Variants in DSC2 observed in about 807,000 individuals in gnomAD.
The protein encoded by DSC2 is desmocollin-2.
In DSC2, 51 loss-of-function variants were observed where a neutral mutation model predicts 87.6. The observed-to-expected ratio is 0.58, with a 90% CI of 0.46 to 0.74. The LOEUF is 0.74. Among genes scored for constraint, DSC2 ranks in the 30% least tolerant of loss-of-function variants. The pLI is 0.00. For synonymous variants in DSC2, 383 were observed against 393.2 expected (o/e 0.97, Z 0.31); for missense variants, 1,066 against 1,089.5 (o/e 0.98, Z 0.30).
chr18:31,090,671 A>G (rs1987561944), intron 4 of DSC2, among the ~76,000 whole-genome samples: 1 of 152,196 alleles, frequency 6.6e-6, no homozygotes, highest in African/African-American at 2.4e-5. Context: ...AGAAGGGCCT[A>G]TGTGTCTTCC....
rs189368932 is a variant in DSC2 at position 31,076,875 on chromosome 18, G to A, written c.1664-1968C>T. Among the ~76,000 whole-genome samples, 31 of 152,198 alleles carry A rather than the reference G, an allele frequency of 2.0e-4. No individual in the cohort carries two copies. The East Asian group carries it at 4.6e-3, about 23-fold the overall frequency. ...AACTACAAAAGGACAATCGTTAATCGACAGAACAAGAAGCATCAGCAAGAA... is the reference window on the plus strand; with the variant it reads ...AACTACAAAAGGACAATCGTTAATCAACAGAACAAGAAGCATCAGCAAGAA... On this transcript the variant is annotated intron_variant, in intron 11 of 15. Transcript: ENST00000280904.
At chr18:31,093,670 ATAT>A (rs778709653) in intron 1 of DSC2, 27 bp from the exon 2 acceptor site, 58 of 1,465,656 alleles carry the variant, frequency 4.0e-5, no homozygotes, top group Middle Eastern at 3.7e-4. Context: ...AATCAAATAA[ATAT>A]TATGCATAAA....
intron 5 of DSC2, among the ~76,000 whole-genome samples, chr18:31,088,591 A>C (rs1987482247): frequency 6.6e-6 from 1 of 152,212 alleles, no homozygotes; most frequent in African/African-American, 2.4e-5. Context: ...AAATAATTAA[A>C]ACTGACTTAA....
At chr18:31,082,185 CATGCTATTCT>C in intron 9 of DSC2, 43 bp downstream of exon 9, 1 of 1,512,760 alleles carries the variant, frequency 6.6e-7, no homozygotes, top group Non-Finnish European at 9.1e-7. Context: ...TAAATTCTAG[CATGCTATTCT>C]ATGATATTAT....
chr18:31,072,597 C>T (rs1027682939), intron 12 of DSC2, among the ~76,000 whole-genome samples: 8 of 151,988 alleles, frequency 5.3e-5, no homozygotes, highest in African/African-American at 1.9e-4. Context: ...CAGTACATTA[C>T]CTGTATGACT....
Position 31,082,945 on chromosome 18 carries a change from G to C in DSC2, c.1058C>G (p.Pro353Arg). The C allele has an allele frequency of 6.2e-7, 1 of 1,613,418 alleles. No individual in the cohort carries two copies. Among genetic ancestry groups the C allele is most frequent in the Non-Finnish European group, 8.5e-7 (1 of 1,179,896 alleles). ...INIDDVNDHL[P>R]TFTRTSYVTS... ...ACTTACAGAAGTACGAGTAAATGTTGGCAAGTGGTCATTTACATCATCAAT... is the reference window on the plus strand; with the variant it reads ...ACTTACAGAAGTACGAGTAAATGTTCGCAAGTGGTCATTTACATCATCAAT... Residue 353 changes from proline to arginine, a missense_variant, in exon 8 of 16, where the codon CCA becomes CGA. Physicochemically the swap from Pro to Arg is moderately radical, Grantham distance 103 (BLOSUM62 -2). Coordinates refer to ENST00000280904, the MANE Select transcript of DSC2 (RefSeq NM_024422.6).
At position 31,068,028 on chromosome 18, in the gene DSC2, C is replaced by A. The variant is rs1018167792; in HGVS notation, c.2693G>T (p.Cys898Phe). The A allele has an allele frequency of 6.2e-7, 1 of 1,613,750 alleles. No individual in the cohort carries two copies. Among genetic ancestry groups the A allele is most frequent in the African/African-American group, 1.3e-5 (1 of 74,908 alleles). Residue 898 changes from cysteine (C) to phenylalanine (F), a missense_variant, in exon 16 of 16, where the codon TGC becomes TTC. Transcript: ENST00000280904. ...EPKFRTLAEA[C>F]MKR Reference sequence around the variant, plus strand: ...ATTAGAACACACTCATCTCTTCATGCATGCTTCTGCTAGTGTCCTAAATTT... The same window carrying A: ...ATTAGAACACACTCATCTCTTCATGAATGCTTCTGCTAGTGTCCTAAATTT...
chr18:31,074,443 GT>G (rs1986939435), intron 12 of DSC2, among the ~76,000 whole-genome samples: 1 of 150,810 alleles, frequency 6.6e-6, no homozygotes. Context: ...GTGTGTGTGT[GT>G]GTGTGTGTGT....
In DSC2 at chr18:31,093,629, G is replaced by A; in HGVS notation, c.84C>T (p.Ala28=). 1 of 1,589,796 alleles carries A rather than the reference G, an allele frequency of 6.3e-7. No individual in the cohort carries two copies. Among genetic ancestry groups the A allele is most frequent in the South Asian group, 1.1e-5 (1 of 89,164 alleles). Residue 28 remains alanine (A), a synonymous_variant, in exon 2 of 16, where the codon GCC becomes GCT. Transcript: ENST00000280904. ...LLLTLAILIF[A]SDACKNVTLH... is the part of the protein sequence containing the mutation. ...ATGTCACATTTTTGCAGGCATCACT[G>A]GCAAATATTAAGATCTAAAAAATGA...
chr18:31,080,351 G>T lies in DSC2; in HGVS notation c.1265C>A (p.Pro422His). The change falls in exon 10 of 16, where the codon CCT becomes CAT. Residue 422 changes from proline to histidine, a missense_variant and splice_region_variant. By Grantham distance (77) the Pro-to-His change is moderately conservative (BLOSUM62 -2). Transcript: ENST00000280904. ...CTGTTGCTTTTCTTCATAATTCAAA[G>T]GCTACGAAAGCAAATGTATTGAAAA... ...TNEGVLCVVK[P>H]LNYEEKQQMI... is the part of the protein sequence containing the mutation. The T allele has an allele frequency of 6.2e-7, 1 of 1,613,516 alleles. No individual in the cohort carries two copies. Among genetic ancestry groups the T allele is most frequent in the Middle Eastern group, 1.7e-4 (1 of 6,060 alleles).
intron 11 of DSC2, among the ~76,000 whole-genome samples, chr18:31,078,448 T>G (rs1440443056): frequency 6.6e-6 from 1 of 152,178 alleles, no homozygotes; most frequent in African/African-American, 2.4e-5. Context: ...TAAACTCCTC[T>G]GCAACAGACG....
chr18:31,082,704 C>A (rs1452815595), intron 8 of DSC2, among the ~76,000 whole-genome samples: 2 of 152,018 alleles, frequency 1.3e-5, no homozygotes, highest in Non-Finnish European at 2.9e-5. Context: ...ATTACAGGTG[C>A]CTGTCACCAT....
In DSC2 at chr18:31,066,771, A is replaced by T. The variant is rs1986633112; in HGVS notation, c.*1244T>A. 6.6e-6 allele frequency: 1 copy of T among 152,174 alleles called. No individual in the cohort carries two copies. The highest frequency in any genetic ancestry group is 6.6e-5 in the Admixed American group (1 of 15,266). The allele number at this position is 152,174 out of a possible 1,614,324, so 9.4% of individuals were successfully genotyped here. A position where few individuals can be genotyped will look rare whatever the true frequency, so the allele number is the denominator to read the frequency against. On this transcript the variant is annotated 3_prime_UTR_variant, in exon 16 of 16. Transcript: ENST00000280904. ...AAAATTGTAATCTTAAAATATTAAAAAAATAACTTTACAAACACACAGATA... is the reference window on the plus strand; with the variant it reads ...AAAATTGTAATCTTAAAATATTAAATAAATAACTTTACAAACACACAGATA...
intron 11 of DSC2, among the ~76,000 whole-genome samples, 160 bp downstream of exon 11, chr18:31,079,687 A>T (rs528339519): frequency 6.6e-6 from 1 of 152,382 alleles, no homozygotes; most frequent in South Asian, 2.1e-4. Context: ...TAGAAAGCAG[A>T]CATGAGTTAA....
intron 2 of DSC2, among the ~76,000 whole-genome samples, chr18:31,092,525 C>G (rs972214045): frequency 6.6e-6 from 1 of 152,172 alleles, no homozygotes; most frequent in Non-Finnish European, 1.5e-5. Flanking sequence ...GACATTTGCT[C>G]TGAAGTAAAC....
chr18:31,089,451 A>G lies in DSC2; in HGVS notation c.618T>C (p.Tyr206=). Residue 206 remains tyrosine, a synonymous_variant, in exon 5 of 16, where the codon TAT becomes TAC. Transcript: ENST00000280904. ...YCTRPVDREQ[Y]ESFEIIAFAT... Reference sequence around the variant, plus strand: ...TTTTAGACTTTACCTCAAAAGATTCATACTGCTCACGATCTACAGGACGAG... The same window carrying G: ...TTTTAGACTTTACCTCAAAAGATTCGTACTGCTCACGATCTACAGGACGAG... 1 of 1,613,840 alleles carries G rather than the reference A, an allele frequency of 6.2e-7. No homozygotes were observed. Among genetic ancestry groups the G allele is most frequent in the Non-Finnish European group, 8.5e-7 (1 of 1,179,846 alleles).
intron 1 of DSC2, chr18:31,101,328 G>T (rs1414256731): frequency 2.1e-6 from 2 of 940,362 alleles, no homozygotes; most frequent in East Asian, 1.2e-4. Context: ...CCAGAAAGGC[G>T]AGCAGTTCCC....
chr18:31,091,011 A>G lies in DSC2; in HGVS notation c.474+17T>C. ...GGAAACTATAGACTCCCACAGCAGA[A>G]AGAAAGAAAACGGTACCTGTTGAAG... On this transcript the variant is annotated intron_variant, in intron 4 of 15. Coordinates refer to ENST00000280904, the MANE Select transcript of DSC2 (RefSeq NM_024422.6). The G allele has an allele frequency of 6.2e-7, 1 of 1,613,866 alleles. No homozygotes were observed. The highest frequency in any genetic ancestry group is 1.6e-4 in the Middle Eastern group (1 of 6,062).
intron 2 of DSC2, 81 bp downstream of exon 2, chr18:31,093,477 CT>C: frequency 3.6e-6 from 4 of 1,103,182 alleles, no homozygotes; most frequent in South Asian, 1.3e-5. Context: ...GATCTCGTTC[CT>C]TTTTATGGCT....
Sources: allele counts gnomAD v4.1 joint callset (sites outside exome capture counted in the v4.1 genomes callset), GRCh38; gene constraint gnomAD v4.1.1; transcripts MANE v1.5; gene names NCBI Gene and HGNC (gene_info 2026-07-23, HGNC 2026-07-21).